Variants in SPOCK3 observed in about 807,000 individuals in gnomAD.
The protein encoded by SPOCK3 is testican-3.
A neutral mutation model predicts 56.6 loss-of-function variants in SPOCK3; 30 were observed. The observed-to-expected ratio is 0.53, with a 90% CI of 0.40 to 0.72. The LOEUF (loss-of-function observed/expected upper bound fraction) is 0.72, where lower values mean the gene tolerates loss of function less well. Among genes scored for constraint, SPOCK3 ranks in the 30% least tolerant of loss-of-function variants. The pLI, the probability that SPOCK3 is intolerant of heterozygous loss-of-function variation, is 0.00. For missense variants in SPOCK3, 527 were observed against 530.0 expected, an observed-to-expected ratio of 0.99 and a Z score of 0.06; for synonymous variants, 196 against 183.3, an observed-to-expected ratio of 1.07 and a Z score of -0.56.
chr4:167,151,260 T>C (rs1220659152), intron 2 of SPOCK3, among the ~76,000 whole-genome samples: 4 of 152,104 alleles, frequency 2.6e-5, no homozygotes, highest in Non-Finnish European at 5.9e-5. Flanking sequence ...ATTGAAGAAA[T>C]GACGCTCTAA....
At chr4:166,950,393 A>G (rs1485910768) in intron 4 of SPOCK3, among the ~76,000 whole-genome samples, 2 of 151,354 alleles carry the variant, frequency 1.3e-5, no homozygotes, top group Admixed American at 1.3e-4. Flanking sequence ...TAACTATCCT[A>G]AATACATATG....
intron 2 of SPOCK3, among the ~76,000 whole-genome samples, chr4:167,192,318 T>TTC (rs1364159628): frequency 6.9e-6 from 1 of 145,962 alleles, no homozygotes; most frequent in Non-Finnish European, 1.5e-5. Flanking sequence ...TTTGGAAGTG[T>TTC]TCTCTCCAAA....
At chr4:166,933,606 T>A (rs948294356) in intron 4 of SPOCK3, among the ~76,000 whole-genome samples, 1 of 152,222 alleles carries the variant, frequency 6.6e-6, no homozygotes, top group Non-Finnish European at 1.5e-5. Context: ...GAATCTTCCA[T>A]GTCTGCTCAT....
In SPOCK3 at chr4:167,205,344, T is replaced by TAG. The variant is rs1350824163; in HGVS notation, c.189+28640_189+28641insCT. ...TATATATAATATATATTATATATTA[T>TAG]ATATATAATATATATATTATATATT... On this transcript the variant is annotated intron_variant, in intron 2 of 10. Transcript: ENST00000357545. Among the ~76,000 whole-genome samples the TAG allele has an allele frequency of 9.5e-3, 360 of 37,912 alleles. 16 individuals are homozygous for TAG. The highest frequency in any genetic ancestry group is 0.048 in the African/African-American group (335 of 7,028). 24.9% of individuals were successfully genotyped at this position (37,912 alleles called of 152,430 possible).
chr4:166,883,171 T>G (rs1733844740), intron 6 of SPOCK3: 1 of 152,184 alleles, frequency 6.6e-6, no homozygotes, highest in African/African-American at 2.4e-5. Context: ...TAATTCTTAA[T>G]CAATAATACT....
chr4:166,746,948 C>T (rs1210035851), intron 8 of SPOCK3, among the ~76,000 whole-genome samples: 3 of 152,012 alleles, frequency 2.0e-5, no homozygotes, highest in African/African-American at 7.3e-5. Context: ...AAGTTGAATC[C>T]CTGAATAGAC....
At chr4:167,201,059 C>T (rs1394302290) in intron 2 of SPOCK3, among the ~76,000 whole-genome samples, 1 of 151,848 alleles carries the variant, frequency 6.6e-6, no homozygotes, top group Non-Finnish European at 1.5e-5. Flanking sequence ...AAGATACTGG[C>T]AATTTCTCTT....
At chr4:166,750,457 TC>T (rs1736228914) in intron 8 of SPOCK3, among the ~76,000 whole-genome samples, 1 of 152,134 alleles carries the variant, frequency 6.6e-6, no homozygotes, top group Admixed American at 6.6e-5. Flanking sequence ...TAAATTCTTA[TC>T]TTATGTGCTT....
chr4:166,814,440 G>C (rs988410669), intron 6 of SPOCK3, among the ~76,000 whole-genome samples: 3 of 152,052 alleles, frequency 2.0e-5, no homozygotes, highest in African/African-American at 7.2e-5. Flanking sequence ...ACCCTCATTA[G>C]GTGGGTGGGA....
chr4:166,774,087 T>C (rs1739260437), intron 7 of SPOCK3, among the ~76,000 whole-genome samples: 1 of 152,228 alleles, frequency 6.6e-6, no homozygotes, highest in South Asian at 2.1e-4. Context: ...TGTTATATAA[T>C]AATCACAATT....
In SPOCK3 at chr4:166,748,321, A is replaced by T. The variant is rs1202831913; in HGVS notation, c.931+6187T>A. On this transcript the variant is annotated intron_variant, in intron 8 of 10. Transcript: ENST00000357545. ...CAGTGGAACAGAACAGAGCCCTCAG[A>T]AATAATACCACACATCTACAACCAT... 1.2e-4 allele frequency among the ~76,000 whole-genome samples: 16 copies of T among 137,116 alleles called. 4 individuals carry two copies. The highest frequency in any genetic ancestry group is 1.7e-4 in the Non-Finnish European group (11 of 64,740). 90.0% of individuals were successfully genotyped at this position (137,116 alleles called of 152,430 possible).
chr4:166,843,416 C>G (rs1560921542), intron 6 of SPOCK3, among the ~76,000 whole-genome samples: 1 of 152,242 alleles, frequency 6.6e-6, no homozygotes, highest in Non-Finnish European at 1.5e-5. Flanking sequence ...AATCAGCTGA[C>G]TGTGAGTTAA....
intron 6 of SPOCK3, among the ~76,000 whole-genome samples, chr4:166,796,027 C>A (rs772898399): frequency 6.6e-6 from 1 of 152,172 alleles, no homozygotes; most frequent in Non-Finnish European, 1.5e-5. Context: ...AGATCCTTCT[C>A]CCCTTCCACC....
At chr4:167,184,339 T>TG (rs1195995545) in intron 2 of SPOCK3, among the ~76,000 whole-genome samples, 3 of 152,164 alleles carry the variant, frequency 2.0e-5, no homozygotes, top group Non-Finnish European at 1.5e-5. Context: ...CATGGACACT[T>TG]GGTTATGTAT....
chr4:167,065,616 C>A (rs1211530063), intron 2 of SPOCK3, among the ~76,000 whole-genome samples: 1 of 151,666 alleles, frequency 6.6e-6, no homozygotes. Context: ...CACTACTAAC[C>A]CATTTTTAGA....
chr4:167,080,195 A>T (rs1757580572), intron 2 of SPOCK3, among the ~76,000 whole-genome samples: 1 of 152,006 alleles, frequency 6.6e-6, no homozygotes, highest in Admixed American at 6.6e-5. Context: ...ACTCTCTAAG[A>T]TAGTTCACCT....
intron 3 of SPOCK3, among the ~76,000 whole-genome samples, chr4:167,027,495 TC>T (rs951459973): frequency 1.3e-5 from 2 of 151,642 alleles, no homozygotes; most frequent in African/African-American, 4.9e-5. Context: ...TTATAAAATT[TC>T]TATGTTGTTT....
chr4:166,862,420 C>A (rs62353220), intron 6 of SPOCK3, among the ~76,000 whole-genome samples: 1 of 151,918 alleles, frequency 6.6e-6, no homozygotes, highest in Non-Finnish European at 1.5e-5. Context: ...AATTCATGGG[C>A]TCATACACAA....
intron 2 of SPOCK3, among the ~76,000 whole-genome samples, chr4:167,067,416 G>A (rs939681206): frequency 6.6e-6 from 1 of 151,724 alleles, no homozygotes; most frequent in Non-Finnish European, 1.5e-5. Flanking sequence ...TAATGCTTTT[G>A]AAGACACACT....
Sources: gnomAD v4.1 joint callset for allele counts (sites outside exome capture counted in the v4.1 genomes callset) on GRCh38, gnomAD v4.1.1 for gene constraint, MANE v1.5 for transcripts, NCBI Gene and HGNC (gene_info 2026-07-23, HGNC 2026-07-21) for gene names.